The following RSBN1L variants were observed in gnomAD, a reference collection of about 807,000 sequenced individuals.
RSBN1L encodes the protein lysine-specific demethylase RSBN1L.
RSBN1L carries 30 observed loss-of-function variants against 67.7 expected under a neutral mutation model. That is an observed-to-expected ratio of 0.44 (90% CI 0.33 to 0.60). The LOEUF (loss-of-function observed/expected upper bound fraction) is 0.60. Ranked by LOEUF, RSBN1L falls within the 20% of genes least tolerant of loss-of-function variation. RSBN1L has a pLI of 0.02. For missense variants in RSBN1L, 992 were observed against 1,031.7 expected (o/e 0.96, Z 0.53); for synonymous variants, 433 against 387.0 (o/e 1.12, Z -1.39).
chr7:77,775,670 A>G (rs1477886149), intron 6 of RSBN1L, among the ~76,000 whole-genome samples: 2 of 152,160 alleles, frequency 1.3e-5, no homozygotes, highest in Admixed American at 6.5e-5. Flanking sequence ...TTGTGGTCAG[A>G]GAACATATTC....
At chr7:77,745,260 C>A in intron 2 of RSBN1L, among the ~76,000 whole-genome samples, 1 of 139,792 alleles carries the variant, frequency 7.2e-6, no homozygotes. Context: ...AAAACTCCGT[C>A]TCAAAAAAAA....
At chr7:77,702,059 A>G (rs1283982701) in intron 1 of RSBN1L, among the ~76,000 whole-genome samples, 3 of 150,408 alleles carry the variant, frequency 2.0e-5, no homozygotes, top group Admixed American at 6.6e-5. Context: ...TCTGCCTCCC[A>G]GGTTCGCATG....
chr7:77,713,524 T>G lies in RSBN1L; in HGVS notation c.586+16469T>G, dbSNP rs181909736. 7.4e-3 allele frequency among the ~76,000 whole-genome samples: 1,126 copies of G among 151,970 alleles called. 13 individuals carry two copies. The highest frequency in any genetic ancestry group is 0.026 in the African/African-American group (1,087 of 41,472). The stretch of plus-strand genomic sequence containing the variant: ...GGCGCCCGCCACCATGCCCGGCTAA[T>G]TTTTTGTATTTTTAGTAGAGACGGG... On this transcript the variant is annotated intron_variant, in intron 1 of 7. Coordinates refer to ENST00000334955, the MANE Select transcript of RSBN1L (RefSeq NM_198467.3).
At chr7:77,710,267 C>T (rs956897158) in intron 1 of RSBN1L, among the ~76,000 whole-genome samples, 5 of 152,142 alleles carry the variant, frequency 3.3e-5, no homozygotes, top group Non-Finnish European at 7.3e-5. Context: ...CCACCCTGAA[C>T]CCTGTATCTC....
chr7:77,761,461 A>G (rs1467416138), intron 3 of RSBN1L, among the ~76,000 whole-genome samples: 2 of 152,170 alleles, frequency 1.3e-5, no homozygotes, highest in Non-Finnish European at 2.9e-5. Flanking sequence ...GCAGTCTGGC[A>G]TAGTCTGGAT....
intron 5 of RSBN1L, among the ~76,000 whole-genome samples, chr7:77,769,292 T>TCAC (rs1467816357): frequency 2.0e-5 from 3 of 152,218 alleles, no homozygotes; most frequent in African/African-American, 7.2e-5. Flanking sequence ...GAGAGGCAGC[T>TCAC]TATGATACAG....
intron 3 of RSBN1L, among the ~76,000 whole-genome samples, chr7:77,756,543 G>A (rs1791620968): frequency 6.6e-6 from 1 of 152,146 alleles, no homozygotes; most frequent in Non-Finnish European, 1.5e-5. Context: ...TTGGGAGGCT[G>A]AGCTGGGCGG....
intron 2 of RSBN1L, among the ~76,000 whole-genome samples, chr7:77,744,552 G>T (rs937526729): frequency 6.6e-6 from 1 of 151,808 alleles, no homozygotes; most frequent in East Asian, 1.9e-4. Context: ...TTTCGGCTGG[G>T]ATTACAGGTG....
intron 1 of RSBN1L, among the ~76,000 whole-genome samples, chr7:77,713,871 C>A (rs1253726623): frequency 6.6e-6 from 1 of 152,006 alleles, no homozygotes. Context: ...TCTTAAATAG[C>A]CTATTGTTAT....
intron 1 of RSBN1L, among the ~76,000 whole-genome samples, chr7:77,720,540 C>G (rs1391249474): frequency 6.6e-6 from 1 of 151,902 alleles, no homozygotes; most frequent in Non-Finnish European, 1.5e-5. Context: ...GCCTGGGCAA[C>G]AAGAGCGAAA....
At position 77,768,681 on chromosome 7, in the gene RSBN1L, G is replaced by T. The variant is rs373320639; in HGVS notation, c.1503G>T (p.Thr501=). The part of the protein sequence containing the change: ...PFLKCTLPWG[T]LSSLKLQSRK... ...TCCAGTGTACACTGCCATGGGGGAC[G>T]CTATCTAGTCTAAAATTACAGAGTC... Residue 501 remains threonine, a synonymous_variant, in exon 5 of 8, where the codon ACG becomes ACT. Coordinates refer to ENST00000334955, the MANE Select transcript of RSBN1L (RefSeq NM_198467.3). The T allele has an allele frequency of 3.1e-6, 5 of 1,613,532 alleles. No homozygotes were observed. The highest frequency in any genetic ancestry group is 4.2e-6 in the Non-Finnish European group (5 of 1,179,592).
intron 1 of RSBN1L, among the ~76,000 whole-genome samples, chr7:77,701,601 T>C (rs1790819224): frequency 6.6e-6 from 1 of 151,962 alleles, no homozygotes; most frequent in African/African-American, 2.4e-5. Context: ...TTTTTTTCTT[T>C]GGTGTTTTTC....
intron 1 of RSBN1L, among the ~76,000 whole-genome samples, chr7:77,733,693 A>G (rs1051504807): frequency 1.3e-5 from 2 of 152,152 alleles, no homozygotes; most frequent in African/African-American, 2.4e-5. Context: ...GAATGTATGT[A>G]TATTTCTAAA....
At chr7:77,736,119 T>G (rs1266245250) in intron 1 of RSBN1L, among the ~76,000 whole-genome samples, 2 of 152,136 alleles carry the variant, frequency 1.3e-5, no homozygotes, top group African/African-American at 4.8e-5. Flanking sequence ...CACCTAAAGT[T>G]AGTTATTTTA....
intron 2 of RSBN1L, among the ~76,000 whole-genome samples, chr7:77,747,551 A>T (rs1001388614): frequency 6.6e-6 from 1 of 152,174 alleles, no homozygotes; most frequent in Non-Finnish European, 1.5e-5. Context: ...GCCAGCCATA[A>T]GTCTTGGTGG....
rs564898789 is a variant in RSBN1L, at chr7:77,777,732, A to G, written c.1794-606A>G. The stretch of plus-strand genomic sequence containing the variant: ...TGTTTGGAATTTTATTCCAAAATCC[A>G]TTTTTTAGCATCTCTTTAAAAATGT... On this transcript the variant is annotated intron_variant, in intron 6 of 7. Coordinates refer to ENST00000334955, the MANE Select transcript of RSBN1L (RefSeq NM_198467.3). 8.4e-4 allele frequency among the ~76,000 whole-genome samples: 127 copies of G among 152,074 alleles called. 2 individuals are homozygous for G. The South Asian group carries it at 0.025, about 30-fold the overall frequency.
chr7:77,723,823 A>G (rs1313165197), intron 1 of RSBN1L, among the ~76,000 whole-genome samples: 1 of 151,892 alleles, frequency 6.6e-6, no homozygotes, highest in Non-Finnish European at 1.5e-5. Flanking sequence ...AATCCCAGCT[A>G]CTCGGGTGGC....
At chr7:77,726,678 A>G (rs1490601422) in intron 1 of RSBN1L, among the ~76,000 whole-genome samples, 3 of 146,394 alleles carry the variant, frequency 2.0e-5, no homozygotes, top group Admixed American at 6.8e-5. Flanking sequence ...GGCGCAATCT[A>G]GGTTCACCGC....
chr7:77,731,811 A>G (rs376879297), intron 1 of RSBN1L, among the ~76,000 whole-genome samples: 6 of 144,522 alleles, frequency 4.2e-5, no homozygotes, highest in Admixed American at 2.1e-4. Flanking sequence ...CTTCTGTGTT[A>G]TTTTCTAGCA....
Sources: allele counts gnomAD v4.1 joint callset (sites outside exome capture counted in the v4.1 genomes callset), GRCh38; gene constraint gnomAD v4.1.1; transcripts MANE v1.5; gene names NCBI Gene and HGNC (gene_info 2026-07-23, HGNC 2026-07-21).